Variants in TPRG1 observed in about 807,000 individuals in gnomAD.
The protein encoded by TPRG1 is tumor protein p63 regulated 1.
A neutral mutation model predicts 29.3 loss-of-function variants in TPRG1; 29 were observed. The ratio of observed to expected loss-of-function variants is 0.99; its 90% CI spans 0.74 to 1.35. The LOEUF (loss-of-function observed/expected upper bound fraction) is 1.35, where lower values mean the gene tolerates loss of function less well. Ranked by LOEUF, TPRG1 falls within the 40% of genes most tolerant of loss-of-function variation. The pLI is 0.00. For synonymous variants in TPRG1, 130 were observed against 116.8 expected (o/e 1.11, Z -0.73); for missense variants, 327 against 335.0 (o/e 0.98, Z 0.19).
At chr3:189,271,579 G>A (rs200516832) in intron 4 of TPRG1, among the ~76,000 whole-genome samples, 1 of 152,184 alleles carries the variant, frequency 6.6e-6, no homozygotes, top group Admixed American at 6.5e-5. Flanking sequence ...TTGTGCATGC[G>A]TAAGTTTTAC....
chr3:189,017,166 T>G (rs889126647), intron 3 of TPRG1, among the ~76,000 whole-genome samples: 1 of 150,354 alleles, frequency 6.7e-6, no homozygotes, highest in Non-Finnish European at 1.5e-5. Context: ...CTTGTCTGCC[T>G]GTCTTATTTC....
intron 3 of TPRG1, among the ~76,000 whole-genome samples, chr3:189,012,994 G>T (rs753623105): frequency 3.9e-5 from 6 of 151,978 alleles, no homozygotes; most frequent in Non-Finnish European, 5.9e-5. Flanking sequence ...GAAGGAGATA[G>T]AAATATCTTT....
intron 1 of TPRG1, chr3:189,120,324 A>G (rs1721681969): frequency 6.6e-6 from 1 of 152,216 alleles, no homozygotes; most frequent in Non-Finnish European, 1.5e-5. Flanking sequence ...AGGCAAGAAA[A>G]TTGCTTTTAG....
chr3:189,107,561 C>T (rs1307915276), intron 1 of TPRG1, among the ~76,000 whole-genome samples: 1 of 152,054 alleles, frequency 6.6e-6, no homozygotes, highest in Admixed American at 6.6e-5. Flanking sequence ...AATTTCACCC[C>T]TTAGCCTTTT....
chr3:189,133,913 C>G (rs1338873278), intron 3 of TPRG1, among the ~76,000 whole-genome samples: 1 of 152,160 alleles, frequency 6.6e-6, no homozygotes, highest in Non-Finnish European at 1.5e-5. Flanking sequence ...GTGTGAGACT[C>G]TGAAGACTGT....
At chr3:189,054,056 GT>G (rs1332329292) in intron 4 of TPRG1, among the ~76,000 whole-genome samples, 3 of 151,994 alleles carry the variant, frequency 2.0e-5, no homozygotes, top group Non-Finnish European at 4.4e-5. Flanking sequence ...CTTTTTTGTT[GT>G]TGTTGTTTTC....
chr3:189,272,713 C>CTCCTTCCTTCCTTCCTTCCTTCCTTCCT (rs59828840), intron 4 of TPRG1, among the ~76,000 whole-genome samples: 1 of 132,412 alleles, frequency 7.6e-6, no homozygotes, highest in Non-Finnish European at 1.6e-5. Flanking sequence ...TTCTTTCTTT[C>CTCCTTCCTTCCTTCCTTCCTTCCTTCCT]TCCTTCCTTC....
chr3:189,173,162 T>A lies in TPRG1; in HGVS notation c.-10+1031T>A, dbSNP rs147633702. Among the ~76,000 whole-genome samples the A allele has an allele frequency of 5.2e-3, 796 of 152,186 alleles. 2 individuals are homozygous for A. Among genetic ancestry groups the A allele is most frequent in the Middle Eastern group, 0.017 (5 of 292 alleles). Reference sequence around the variant, plus strand: ...GCTCAAAAGGTTATATCATTCTTAGTTGTGGAAGGAAATGTTTCCTCTGTG... The same window carrying A: ...GCTCAAAAGGTTATATCATTCTTAGATGTGGAAGGAAATGTTTCCTCTGTG... On this transcript the variant is annotated intron_variant, in intron 1 of 5. Coordinates refer to ENST00000345063, the MANE Select transcript of TPRG1 (RefSeq NM_198485.4).
chr3:189,225,548 A>G (rs1737596916), intron 3 of TPRG1, among the ~76,000 whole-genome samples: 1 of 152,216 alleles, frequency 6.6e-6, no homozygotes, highest in Non-Finnish European at 1.5e-5. Flanking sequence ...AAGCAAACAA[A>G]CAAGACCTCA....
At chr3:189,118,837 C>T (rs1355564616) in intron 1 of TPRG1, among the ~76,000 whole-genome samples, 3 of 152,308 alleles carry the variant, frequency 2.0e-5, no homozygotes, top group Admixed American at 6.5e-5. Context: ...CAGAAGTCTG[C>T]GCAGAGGCAG....
chr3:189,222,981 C>T (rs1412776657), intron 3 of TPRG1, among the ~76,000 whole-genome samples: 1 of 152,180 alleles, frequency 6.6e-6, no homozygotes, highest in African/African-American at 2.4e-5. Context: ...ATTGATTCAA[C>T]TGGAATAATC....
At chr3:189,043,621 G>T (rs1395848398) in intron 4 of TPRG1, among the ~76,000 whole-genome samples, 1 of 152,108 alleles carries the variant, frequency 6.6e-6, no homozygotes, top group Non-Finnish European at 1.5e-5. Context: ...TTTTTTGGGC[G>T]ACAACTCCCT....
chr3:189,251,791 T>A (rs1356862016), intron 4 of TPRG1, among the ~76,000 whole-genome samples: 2 of 152,212 alleles, frequency 1.3e-5, no homozygotes, highest in East Asian at 1.9e-4. Context: ...AGATGGAACA[T>A]ACAATCGGGT....
At chr3:189,233,040 C>T (rs537886137) in intron 3 of TPRG1, among the ~76,000 whole-genome samples, 70 of 152,072 alleles carry the variant, frequency 4.6e-4, no homozygotes, top group African/African-American at 1.6e-3. Context: ...TTGCTGATTC[C>T]TTGTTAGCCA....
At chr3:189,114,067 T>C (rs886894948) in intron 1 of TPRG1, among the ~76,000 whole-genome samples, 1 of 152,190 alleles carries the variant, frequency 6.6e-6, no homozygotes, top group Non-Finnish European at 1.5e-5. Flanking sequence ...AATTTTTACT[T>C]TACTATTCCG....
chr3:189,163,677 T>C (rs1219705542), intron 5 of TPRG1, among the ~76,000 whole-genome samples: 1 of 152,224 alleles, frequency 6.6e-6, no homozygotes, highest in Non-Finnish European at 1.5e-5. Context: ...TACAGCTCTC[T>C]GTGCCTTAGT....
chr3:189,284,156 C>A (rs1717626658), intron 4 of TPRG1, among the ~76,000 whole-genome samples: 1 of 151,498 alleles, frequency 6.6e-6, no homozygotes, highest in South Asian at 2.1e-4. Flanking sequence ...CTGCTTGCAT[C>A]CCTCCCCGCA....
At position 189,309,368 on chromosome 3, in the gene TPRG1, GCAC is replaced by G. The variant is rs1722129437; in HGVS notation, c.480-1014_480-1012del. 3.3e-5 allele frequency among the ~76,000 whole-genome samples: 5 copies of G among 152,224 alleles called. No homozygotes were observed. The South Asian group carries it at 1.0e-3, about 32-fold the overall frequency. On this transcript the variant is annotated intron_variant, in intron 4 of 5. Coordinates refer to ENST00000345063, the MANE Select transcript of TPRG1 (RefSeq NM_198485.4). ...TACAGGAAGTGACAGTTTTGTGAAG[GCAC>G]CACAATTAAGCTCTGGTTTTTCATT...
At chr3:189,059,027 G>T (rs1013004282) in intron 4 of TPRG1, among the ~76,000 whole-genome samples, 6 of 152,118 alleles carry the variant, frequency 3.9e-5, no homozygotes, top group Admixed American at 2.6e-4. Flanking sequence ...AGTCATTAGG[G>T]TGTCCCAGGG....
Sources: gnomAD v4.1 joint callset for allele counts (sites outside exome capture counted in the v4.1 genomes callset) on GRCh38, gnomAD v4.1.1 for gene constraint, MANE v1.5 for transcripts, NCBI Gene and HGNC (gene_info 2026-07-23, HGNC 2026-07-21) for gene names.